Variants in ATP2C2 observed in about 807,000 individuals in gnomAD.
ATP2C2 encodes the protein calcium-transporting ATPase type 2C member 2.
A neutral mutation model predicts 110.8 loss-of-function variants in ATP2C2; 171 were observed. The observed-to-expected ratio is 1.54, with a 90% CI of 1.36 to 1.75. The LOEUF is 1.75. Among genes scored for constraint, ATP2C2 ranks in the 40% most tolerant of loss-of-function variants. The pLI is 0.00. For synonymous variants in ATP2C2, 804 were observed against 508.4 expected, an observed-to-expected ratio of 1.58 and a Z score of -7.82; for missense variants, 1,963 against 1,235.0, an observed-to-expected ratio of 1.59 and a Z score of -8.84.
In ATP2C2 at chr16:84,410,638, T is replaced by C. The variant is rs746644508; in HGVS notation, c.453+35T>C. The C allele has an allele frequency of 1.9e-6, 3 of 1,613,986 alleles. No individual in the cohort carries two copies. The Admixed American group carries it at 5.0e-5, about 27-fold the overall frequency. Reference sequence around the variant, plus strand: ...TCCTGAGGTCCCAGTCAGGGTAAGCTGGGCGGGACAGGAGCTTCATGGAGT... The same window carrying C: ...TCCTGAGGTCCCAGTCAGGGTAAGCCGGGCGGGACAGGAGCTTCATGGAGT... On this transcript the variant is annotated intron_variant, in intron 5 of 26. Transcript: ENST00000262429.
intron 1 of ATP2C2, among the ~76,000 whole-genome samples, chr16:84,383,906 C>T (rs968005994): frequency 6.6e-6 from 1 of 151,192 alleles, no homozygotes; most frequent in Admixed American, 6.6e-5. Context: ...CCTCCAACCT[C>T]AGCCTCCCCA....
At chr16:84,445,374 A>C (rs1325791086) in intron 15 of ATP2C2, among the ~76,000 whole-genome samples, 1 of 151,878 alleles carries the variant, frequency 6.6e-6, no homozygotes, top group Non-Finnish European at 1.5e-5. Context: ...ACGCCTGGCT[A>C]ACTTTTTGTA....
At chr16:84,452,497 C>CTTTTTT (rs397816630) in intron 18 of ATP2C2, among the ~76,000 whole-genome samples, 45 of 118,332 alleles carry the variant, frequency 3.8e-4, no homozygotes, top group Non-Finnish European at 5.3e-4. Flanking sequence ...CCTCTAGTTA[C>CTTTTTT]TTTTTTTTTT....
In ATP2C2 at chr16:84,398,603, G is replaced by C; in HGVS notation, c.204G>C (p.Ala68=). 1 of 1,607,304 alleles carries C rather than the reference G, an allele frequency of 6.2e-7. No individual in the cohort carries two copies. The highest frequency in any genetic ancestry group is 8.5e-7 in the Non-Finnish European group (1 of 1,177,030). ...GCCAGAAAGAGGATTTGGCCAGAGC[G>C]TTTTGTGTAAGAATTGAATTTGCAT... ...CKCQKEDLAR[A]FCVDLHTGLS... is the part of the protein sequence containing the mutation. The change falls in exon 2 of 27, where the codon GCG becomes GCC. Residue 68 remains alanine (A), a synonymous_variant. Coordinates refer to ENST00000262429, the MANE Select transcript of ATP2C2 (RefSeq NM_014861.4).
chr16:84,436,543 G>A (rs1053919677), intron 11 of ATP2C2, among the ~76,000 whole-genome samples: 6 of 152,150 alleles, frequency 3.9e-5, no homozygotes, highest in African/African-American at 9.7e-5. Context: ...TGGTATCTCA[G>A]ATAACAGAAA....
At position 84,408,505 on chromosome 16, in the gene ATP2C2, T is replaced by C; in HGVS notation, c.417+11T>C. 2 of 1,610,228 alleles carry C rather than the reference T, an allele frequency of 1.2e-6. No individual in the cohort carries two copies. The highest frequency in any genetic ancestry group is 1.7e-6 in the Non-Finnish European group (2 of 1,178,584). ...GTCAGCATCGCCACGGTGAGTTCCC[T>C]GACAGCGCTCGGCTCCCGGGCGGGC... is the stretch of plus-strand genomic sequence containing the variant. On this transcript the variant is annotated intron_variant, in intron 4 of 26. Coordinates refer to ENST00000262429, the MANE Select transcript of ATP2C2 (RefSeq NM_014861.4).
chr16:84,422,557 G>A lies in ATP2C2; in HGVS notation c.774+18G>A, dbSNP rs376245920. Reference sequence around the variant, plus strand: ...GGGGCCAGGTAAGCCCTGGGACACCGAGGCCTTGGGCTCCCGTAACCCACA... The same window carrying A: ...GGGGCCAGGTAAGCCCTGGGACACCAAGGCCTTGGGCTCCCGTAACCCACA... On this transcript the variant is annotated intron_variant, in intron 8 of 26. Transcript: ENST00000262429. The A allele has an allele frequency of 2.3e-5, 37 of 1,612,666 alleles. No individual in the cohort carries two copies. The highest frequency in any genetic ancestry group is 2.2e-4 in the East Asian group (10 of 44,876).
chr16:84,405,152 GA>G lies in ATP2C2; in HGVS notation c.236del (p.Glu79GlyfsTer4). On this transcript the variant is annotated frameshift_variant, in exon 3 of 27. Coordinates refer to ENST00000262429, the MANE Select transcript of ATP2C2 (RefSeq NM_014861.4). LOFTEE classifies it high-confidence loss of function. ...FCVDLHTGLS[E>X]FSVTQRRLAH... ...GGTGGACTTACACACTGGGCTGTCGGAGTTCTCGGTGACGCAGCGCCGGCTG... is the reference window on the plus strand; with the variant it reads ...GGTGGACTTACACACTGGGCTGTCGGGTTCTCGGTGACGCAGCGCCGGCTG... The G allele has an allele frequency of 5.0e-6, 8 of 1,614,100 alleles. No homozygotes were observed. The highest frequency in any genetic ancestry group is 6.8e-6 in the Non-Finnish European group (8 of 1,180,040).
In ATP2C2 at chr16:84,448,437, G is replaced by A. The variant is rs963990693; in HGVS notation, c.1504-96G>A. The A allele has an allele frequency of 7.0e-5, 99 of 1,404,790 alleles. No homozygotes were observed. The African/African-American group carries it at 9.1e-4, about 13-fold the overall frequency. The allele number at this position is 1,404,790 out of a possible 1,614,324, so 87.0% of individuals were successfully genotyped here. A position where few individuals can be genotyped will look rare whatever the true frequency, so the allele number is the denominator to read the frequency against. On this transcript the variant is annotated intron_variant, in intron 16 of 26. Coordinates refer to ENST00000262429, the MANE Select transcript of ATP2C2 (RefSeq NM_014861.4). Reference sequence around the variant, plus strand: ...AAATAACTCCGCTGCAAAGATCCCCGTGTGTGTCTTTGTAACCTTGTGCAG... The same window carrying A: ...AAATAACTCCGCTGCAAAGATCCCCATGTGTGTCTTTGTAACCTTGTGCAG...
intron 7 of ATP2C2, among the ~76,000 whole-genome samples, chr16:84,419,037 T>C (rs1286058569): frequency 2.0e-5 from 3 of 151,624 alleles, no homozygotes; most frequent in Non-Finnish European, 4.4e-5. Context: ...GGCAAAACCC[T>C]GTCTCTACTA....
At chr16:84,411,117 T>C (rs1378127217) in intron 6 of ATP2C2, among the ~76,000 whole-genome samples, 4 of 152,160 alleles carry the variant, frequency 2.6e-5, no homozygotes, top group Non-Finnish European at 4.4e-5. Context: ...TGGAGGTTTA[T>C]TTGAATTCTC....
chr16:84,382,614 C>G (rs1033782778), intron 1 of ATP2C2, among the ~76,000 whole-genome samples: 9 of 152,296 alleles, frequency 5.9e-5, no homozygotes, highest in African/African-American at 2.2e-4. Context: ...CAAGCCATGG[C>G]CACATGTGGT....
At chr16:84,446,940 C>T (rs761198614) in intron 16 of ATP2C2, among the ~76,000 whole-genome samples, 5 of 152,134 alleles carry the variant, frequency 3.3e-5, no homozygotes, top group African/African-American at 4.8e-5. Context: ...TCCTTCAGTA[C>T]GGAAGGCGTG....
chr16:84,418,043 C>T (rs1906991338), intron 7 of ATP2C2, among the ~76,000 whole-genome samples: 1 of 152,278 alleles, frequency 6.6e-6, no homozygotes. Flanking sequence ...GGAGTTAAAA[C>T]AGAGGAAGCC....
intron 1 of ATP2C2, among the ~76,000 whole-genome samples, chr16:84,391,359 G>A (rs1245759314): frequency 6.6e-6 from 1 of 152,166 alleles, no homozygotes; most frequent in African/African-American, 2.4e-5. Context: ...ATCTTCTGTG[G>A]ACGCACATAC....
rs201356589 is a variant in ATP2C2 at position 84,461,746 on chromosome 16, C to T, written c.2514C>T (p.Thr838=). The T allele has an allele frequency of 1.9e-6, 3 of 1,614,198 alleles. No homozygotes were observed. Among genetic ancestry groups the T allele is most frequent in the Non-Finnish European group, 2.5e-6 (3 of 1,180,020 alleles). Residue 838 remains threonine, a synonymous_variant, in exon 25 of 27, where the codon ACC becomes ACT. Coordinates refer to ENST00000262429, the MANE Select transcript of ATP2C2 (RefSeq NM_014861.4). ...MPEDRASTPR[T]TTMTFTCFVF... ...AAGACAGAGCAAGCACTCCCCGCAC[C>T]ACGACGATGACGTTCACTTGTTTTG...
chr16:84,433,134 C>T (rs544708357), intron 11 of ATP2C2, among the ~76,000 whole-genome samples: 3 of 152,292 alleles, frequency 2.0e-5, no homozygotes, highest in Admixed American at 1.3e-4. Flanking sequence ...AATCCTAGCA[C>T]TTTGGGAGGC....
rs377445969 is a variant in ATP2C2, at chr16:84,410,585, C to G, written c.435C>G (p.Val145=). The G allele has an allele frequency of 4.3e-6, 7 of 1,614,090 alleles. No individual in the cohort carries two copies. In the African/African-American group the frequency reaches 9.3e-5, roughly 22 times the overall value. ...VSIATAVLVV[V]TVAFIQEYRS... Reference sequence around the variant, plus strand: ...CTGTCTAGGCAGTGCTTGTCGTGGTCACTGTCGCCTTCATCCAGGTGAGTA... The same window carrying G: ...CTGTCTAGGCAGTGCTTGTCGTGGTGACTGTCGCCTTCATCCAGGTGAGTA... Residue 145 remains valine (V), a synonymous_variant, in exon 5 of 27, where the codon GTC becomes GTG. Coordinates refer to ENST00000262429, the MANE Select transcript of ATP2C2 (RefSeq NM_014861.4).
chr16:84,433,618 C>T (rs1247464541), intron 11 of ATP2C2, among the ~76,000 whole-genome samples: 1 of 152,010 alleles, frequency 6.6e-6, no homozygotes, highest in African/African-American at 2.4e-5. Flanking sequence ...CACCACTGCA[C>T]TCCAGCCTAG....
Sources: gnomAD v4.1 joint callset for allele counts (sites outside exome capture counted in the v4.1 genomes callset) on GRCh38, gnomAD v4.1.1 for gene constraint, MANE v1.5 for transcripts, NCBI Gene and HGNC (gene_info 2026-07-23, HGNC 2026-07-21) for gene names.